Variants in H2BC4 observed in about 807,000 individuals in gnomAD.
The protein encoded by H2BC4 is histone H2B type 1-C/E/F/G/I.
In H2BC4, 10 loss-of-function variants were observed where a neutral mutation model predicts 6.2. That is an observed-to-expected ratio of 1.61 (90% CI 0.99 to 2.73). The LOEUF is 2.73. Among genes scored for constraint, H2BC4 ranks in the 30% most tolerant of loss-of-function variants. H2BC4 has a pLI of 0.00. For synonymous variants in H2BC4, 146 were observed against 70.7 expected, an observed-to-expected ratio of 2.07 and a Z score of -5.35; for missense variants, 176 against 168.7, an observed-to-expected ratio of 1.04 and a Z score of -0.24.
In H2BC4 at chr6:26,123,921, T is replaced by A; in HGVS notation, c.-17A>T. On this transcript the variant is annotated 5_prime_UTR_variant, in exon 1 of 1. Transcript: ENST00000396984. The stretch of plus-strand genomic sequence containing the variant: ...CTCAGGCATCTTAAAACACCAGAAA[T>A]GTGTCGAAAGTAAAGAGCGGATTTC... The A allele has an allele frequency of 1.2e-6, 2 of 1,610,508 alleles. No individual in the cohort carries two copies. Among genetic ancestry groups the A allele is most frequent in the East Asian group, 2.2e-5 (1 of 44,864 alleles).
downstream of H2BC4, among the ~76,000 whole-genome samples, chr6:26,123,163 C>A (rs1165255019): frequency 6.6e-6 from 1 of 152,200 alleles, no homozygotes; most frequent in Non-Finnish European, 1.5e-5. Flanking sequence ...TATGACATTA[C>A]GGCAACCGTT....
At chr6:26,117,787 G>A (rs1228513867) in intron 1 of H2BC4, among the ~76,000 whole-genome samples, 1 of 152,090 alleles carries the variant, frequency 6.6e-6, no homozygotes, top group Non-Finnish European at 1.5e-5. Flanking sequence ...ATAGAAATGG[G>A]AGAAAAAAAC....
At position 26,123,893 on chromosome 6, in the gene H2BC4, T is replaced by A. The variant is rs138951019; in HGVS notation, c.12A>T (p.Pro4=). ...TCTTCGGGGCGGGAGCAGACTTGGCTGGCTCAGGCATCTTAAAACACCAGA... is the reference window on the plus strand; with the variant it reads ...TCTTCGGGGCGGGAGCAGACTTGGCAGGCTCAGGCATCTTAAAACACCAGA... MPE[P]AKSAPAPKKG... Residue 4 remains proline, a synonymous_variant, in exon 1 of 1, where the codon CCA becomes CCT. Transcript: ENST00000396984. 1 of 1,613,860 alleles carries A rather than the reference T, an allele frequency of 6.2e-7. No individual in the cohort carries two copies. Among genetic ancestry groups the A allele is most frequent in the African/African-American group, 1.3e-5 (1 of 74,890 alleles).
Position 26,123,868 on chromosome 6 carries a change from T to A in H2BC4, c.37A>T (p.Lys13Ter). 2 of 1,614,206 alleles carry A rather than the reference T, an allele frequency of 1.2e-6. No individual in the cohort carries two copies. Among genetic ancestry groups the A allele is most frequent in the Non-Finnish European group, 1.7e-6 (2 of 1,180,032 alleles). The change falls in exon 1 of 1, where the codon AAG (lysine) becomes TAG (stop). Residue 13 changes from lysine (K) to a stop codon, truncating the protein, a stop_gained. Coordinates refer to ENST00000396984, the MANE Select transcript of H2BC4 (RefSeq NM_003526.3). LOFTEE classifies it high-confidence loss of function. Reference protein sequence around the residue: ...EPAKSAPAPKKGSKKAVTKAQ... With the variant: ...EPAKSAPAPK ...TTGGTCACTGCCTTCTTGGAGCCCT[T>A]CTTCGGGGCGGGAGCAGACTTGGCT... is the stretch of plus-strand genomic sequence containing the variant.
downstream of H2BC4, among the ~76,000 whole-genome samples, chr6:26,119,760 A>G (rs1417645365): frequency 1.3e-5 from 2 of 151,428 alleles, no homozygotes; most frequent in Non-Finnish European, 2.9e-5. Context: ...TTTACAGTAT[A>G]AGAATAAAGA....
At chr6:26,119,140 G>C (rs1763465690), downstream of H2BC4, among the ~76,000 whole-genome samples, 1 of 151,922 alleles carries the variant, frequency 6.6e-6, no homozygotes, top group Non-Finnish European at 1.5e-5. Context: ...CTTAAACAAA[G>C]CAGGCAATTG....
At chr6:26,119,702 A>C (rs1223768720), downstream of H2BC4, among the ~76,000 whole-genome samples, 2 of 151,906 alleles carry the variant, frequency 1.3e-5, no homozygotes, top group African/African-American at 2.4e-5. Flanking sequence ...GTTTTTTAGA[A>C]TATGAACCCT....
chr6:26,117,088 G>A (rs1213981185), intron 1 of H2BC4, among the ~76,000 whole-genome samples: 1 of 152,104 alleles, frequency 6.6e-6, no homozygotes, highest in Non-Finnish European at 1.5e-5. Flanking sequence ...TATGCCTAGA[G>A]AGCTAATTTC....
intron 1 of H2BC4, among the ~76,000 whole-genome samples, chr6:26,115,657 A>G (rs1341236993): frequency 1.3e-5 from 2 of 152,170 alleles, no homozygotes; most frequent in Non-Finnish European, 2.9e-5. Flanking sequence ...AAACCCTCCA[A>G]CATGCTCTTA....
downstream of H2BC4, among the ~76,000 whole-genome samples, chr6:26,119,619 ATGT>A (rs1217313982): frequency 6.6e-6 from 1 of 152,132 alleles, no homozygotes; most frequent in East Asian, 1.9e-4. Context: ...AAATAAAGTG[ATGT>A]TAACTCATGT....
chr6:26,117,394 T>C (rs527584431), intron 1 of H2BC4, among the ~76,000 whole-genome samples: 5 of 152,304 alleles, frequency 3.3e-5, no homozygotes, highest in Admixed American at 3.3e-4. Flanking sequence ...TGTAAAGGTA[T>C]AGAGAAGGAT....
chr6:26,120,858 G>A (rs575801981), downstream of H2BC4, among the ~76,000 whole-genome samples: 1 of 152,124 alleles, frequency 6.6e-6, no homozygotes, highest in South Asian at 2.1e-4. Context: ...GGGCAATAAT[G>A]TGAAATTACT....
chr6:26,123,365 G>A (rs1763536549), downstream of H2BC4: 3 of 1,289,882 alleles, frequency 2.3e-6, no homozygotes, highest in Non-Finnish European at 1.1e-6. Context: ...CCCTCTCTAA[G>A]CTGCAACACT....
In H2BC4 at chr6:26,123,598, G is replaced by A. The variant is rs199919825; in HGVS notation, c.307C>T (p.Leu103Phe). ...GCGTGCTTGGCCAGCTCTCCGGGAA[G>A]CAGCAGGCGCACGGCCGTCTGGATC... ...REIQTAVRLLLPGELAKHAVS... is the reference protein window; with the variant it reads ...REIQTAVRLLFPGELAKHAVS... Residue 103 changes from leucine to phenylalanine, a missense_variant, in exon 1 of 1, where the codon CTT becomes TTT. By Grantham distance (22) the Leu-to-Phe change is conservative. Transcript: ENST00000396984. 1 of 1,614,280 alleles carries A rather than the reference G, an allele frequency of 6.2e-7. No individual in the cohort carries two copies. Among genetic ancestry groups the A allele is most frequent in the Non-Finnish European group, 8.5e-7 (1 of 1,180,048 alleles).
chr6:26,117,233 G>C (rs1293151575), intron 1 of H2BC4, among the ~76,000 whole-genome samples: 1 of 152,134 alleles, frequency 6.6e-6, no homozygotes, highest in Non-Finnish European at 1.5e-5. Flanking sequence ...TCCTACCAAA[G>C]TCTTCAGTCA....
Position 26,123,470 on chromosome 6 carries a change from G to A in H2BC4, c.*54C>T. ...CACAGCTCTTTTAGTGGGTATCTGG[G>A]TGGCTCTTAAAAGAGCCTTTGGGGT... On this transcript the variant is annotated 3_prime_UTR_variant, in exon 1 of 1. Coordinates refer to ENST00000396984, the MANE Select transcript of H2BC4 (RefSeq NM_003526.3). 3.1e-6 allele frequency: 5 copies of A among 1,609,090 alleles called. No homozygotes were observed. The highest frequency in any genetic ancestry group is 2.2e-5 in the South Asian group (2 of 90,696).
At chr6:26,116,058 A>G (rs370433456) in intron 1 of H2BC4, among the ~76,000 whole-genome samples, 1 of 152,206 alleles carries the variant, frequency 6.6e-6, no homozygotes, top group South Asian at 2.1e-4. Context: ...AAGTTTATTC[A>G]TATTTCTCTT....
At chr6:26,117,998 A>G (rs765980390) in intron 1 of H2BC4, among the ~76,000 whole-genome samples, 8 of 152,342 alleles carry the variant, frequency 5.3e-5, no homozygotes, top group Non-Finnish European at 1.0e-4. Context: ...AGTATTTTCC[A>G]CTGACAACCA....
At position 26,123,809 on chromosome 6, in the gene H2BC4, G is replaced by A. The variant is rs114247490; in HGVS notation, c.96C>T (p.Arg32=). The A allele has an allele frequency of 2.9e-4, 462 of 1,614,276 alleles. No homozygotes were observed. The highest frequency in any genetic ancestry group is 3.7e-4 in the Non-Finnish European group (435 of 1,180,050). The stretch of plus-strand genomic sequence containing the variant: ...ACACAGAGTAACTCTCCTTGCGGCT[G>A]CGCTTGCGCTTCTTGCCATCTTTCT... ...AQKKDGKKRK[R]SRKESYSVYV... is the part of the protein sequence containing the mutation. Residue 32 remains arginine, a synonymous_variant, in exon 1 of 1, where the codon CGC becomes CGT. Transcript: ENST00000396984.
Sources: allele counts gnomAD v4.1 joint callset (sites outside exome capture counted in the v4.1 genomes callset), GRCh38; gene constraint gnomAD v4.1.1; transcripts MANE v1.5; gene names NCBI Gene and HGNC (gene_info 2026-07-23, HGNC 2026-07-21).